Variants in PLAGL1 observed in about 807,000 individuals in gnomAD.
PLAGL1 encodes PLAG1 like zinc finger 1, also known as zinc finger protein PLAGL1.
Under a neutral mutation model 4.6 loss-of-function variants are expected in PLAGL1, and 1 was observed. The observed-to-expected ratio is 0.22, with a 90% CI of 0.08 to 1.03. PLAGL1 has a LOEUF of 1.03. Among genes scored for constraint, PLAGL1 ranks in the 50% least tolerant of loss-of-function variants. PLAGL1 has a pLI of 0.58. For synonymous variants in PLAGL1, 240 were observed against 237.8 expected (o/e 1.01, Z -0.08); for missense variants, 464 against 570.4 (o/e 0.81, Z 1.90).
chr6:143,945,504 T>C lies in PLAGL1; in HGVS notation c.152+2481A>G, dbSNP rs1413587397. ...TCATCATCCTTTTTTTGAGATGCAG[T>C]CCCACCCTGTCACCAGGCTGAAGTG... is the stretch of plus-strand genomic sequence containing the variant. On this transcript the variant is annotated intron_variant, in intron 7 of 7. Transcript: ENST00000674357. This position sits in a 1 kb window ranked among gnomAD's most constrained non-coding sequence, Gnocchi z 4.2. 6.6e-6 allele frequency among the ~76,000 whole-genome samples: 1 copy of C among 152,204 alleles called. No homozygotes were observed. The highest frequency in any genetic ancestry group is 1.5e-5 in the Non-Finnish European group (1 of 68,032).
Position 144,064,040 on chromosome 6 carries a change from CAGCCCCGCCCCCAGCCTCGGAG to C in PLAGL1, c.-151+406_-151+427del, listed in dbSNP as rs1799637955. On this transcript the variant is annotated intron_variant, in intron 1 of 3. Transcript: ENST00000437412. The surrounding 1 kb of genome is among the most constrained non-coding windows in gnomAD (Gnocchi z 6.8). ...ATGATCACCCCGCCGTCTGCGCAGACAGCCCCGCCCCCAGCCTCGGAGAGCACAGGACCCGGGAGGCGGCGAC... is the reference window on the plus strand; with the variant it reads ...ATGATCACCCCGCCGTCTGCGCAGACAGCACAGGACCCGGGAGGCGGCGAC... Among the ~76,000 whole-genome samples the C allele has an allele frequency of 6.6e-6, 1 of 152,228 alleles. No individual in the cohort carries two copies. Among genetic ancestry groups the C allele is most frequent in the Admixed American group, 6.5e-5 (1 of 15,292 alleles).
At chr6:144,047,418 C>T (rs187493661) in intron 1 of PLAGL1, among the ~76,000 whole-genome samples, 8 of 152,280 alleles carry the variant, frequency 5.3e-5, no homozygotes, top group Admixed American at 5.2e-4. Flanking sequence ...AGTGCATTCT[C>T]ACATTGCTAT....
At position 144,016,205 on chromosome 6, in the gene PLAGL1, G is replaced by A. The variant is rs1795553989; in HGVS notation, c.-150-47227C>T. The stretch of plus-strand genomic sequence containing the variant: ...CACAATAGGCTGTCTGCAAGCTGAG[G>A]AGAAAGGAGAGCCAGTCCGAGTCCC... On this transcript the variant is annotated intron_variant, in intron 1 of 3. Transcript: ENST00000437412. This position sits in a 1 kb window ranked among gnomAD's most constrained non-coding sequence, Gnocchi z 4.2. 6.6e-6 allele frequency among the ~76,000 whole-genome samples: 1 copy of A among 152,132 alleles called. No individual in the cohort carries two copies. Among genetic ancestry groups the A allele is most frequent in the Non-Finnish European group, 1.5e-5 (1 of 68,030 alleles).
Position 143,950,484 on chromosome 6 carries a change from C to T in PLAGL1, c.-324-2024G>A, listed in dbSNP as rs541311791. On this transcript the variant is annotated intron_variant, in intron 6 of 7. Coordinates refer to ENST00000674357, the MANE Select transcript of PLAGL1 (RefSeq NM_001317162.2). The surrounding 1 kb of genome is among the most constrained non-coding windows in gnomAD (Gnocchi z 6.3). ...TACTTCTCACCCAGCCTAAGTTTGG[C>T]CATAATACCGGCCCAGCTATAAAAC... Among the ~76,000 whole-genome samples the T allele has an allele frequency of 6.6e-6, 1 of 152,308 alleles. No individual in the cohort carries two copies. Among genetic ancestry groups the T allele is most frequent in the Non-Finnish European group, 1.5e-5 (1 of 68,040 alleles).
intron 1 of PLAGL1, among the ~76,000 whole-genome samples, chr6:144,046,966 A>G (rs1463905753): frequency 6.6e-6 from 1 of 152,250 alleles, no homozygotes; most frequent in Non-Finnish European, 1.5e-5. Flanking sequence ...CTGCGCTAGC[A>G]GTGAACAAGG....
chr6:143,951,485 G>C (rs973373348), intron 6 of PLAGL1, among the ~76,000 whole-genome samples: 1 of 152,238 alleles, frequency 6.6e-6, no homozygotes, highest in Non-Finnish European at 1.5e-5. Context: ...TGTAAACCTT[G>C]ACTCATTGCT....
In PLAGL1 at chr6:143,982,720, T is replaced by C. The variant is rs762548390; in HGVS notation, c.-544+2415A>G. ...GACAGTATCTCCTGACAGCTGAATG[T>C]GTAGAGGGTGAGAGAGACGAAATGA... is the stretch of plus-strand genomic sequence containing the variant. On this transcript the variant is annotated intron_variant, in intron 2 of 7. Transcript: ENST00000674357. This position sits in a 1 kb window ranked among gnomAD's most constrained non-coding sequence, Gnocchi z 5.3. Among the ~76,000 whole-genome samples, 4 of 151,986 alleles carry C rather than the reference T, an allele frequency of 2.6e-5. No individual in the cohort carries two copies. The highest frequency in any genetic ancestry group is 5.9e-5 in the Non-Finnish European group (4 of 67,990).
rs1417380235 is a variant in PLAGL1, at chr6:143,989,567, C to T, written c.-583-4393G>A. On this transcript the variant is annotated intron_variant, in intron 1 of 7. Coordinates refer to ENST00000674357, the MANE Select transcript of PLAGL1 (RefSeq NM_001317162.2). The surrounding 1 kb of genome is among the most constrained non-coding windows in gnomAD (Gnocchi z 4.8). Reference sequence around the variant, plus strand: ...ATTTATACCCCTGGTTCCTCTGCTTCTCAGGCGTTCAGCCTTGGACCAGAA... The same window carrying T: ...ATTTATACCCCTGGTTCCTCTGCTTTTCAGGCGTTCAGCCTTGGACCAGAA... Among the ~76,000 whole-genome samples the T allele has an allele frequency of 6.6e-6, 1 of 152,222 alleles. No homozygotes were observed. The highest frequency in any genetic ancestry group is 1.5e-5 in the Non-Finnish European group (1 of 68,042).
Position 143,994,488 on chromosome 6 carries a change from C to T in PLAGL1, c.-583-9314G>A, listed in dbSNP as rs998355605. On this transcript the variant is annotated intron_variant, in intron 1 of 7. Transcript: ENST00000674357. This position sits in a 1 kb window ranked among gnomAD's most constrained non-coding sequence, Gnocchi z 4.3. ...ACTGATTTTACACTCTGCAGAAGTG[C>T]GGACAGATTTAACAAGGCAGCCCTA... Among the ~76,000 whole-genome samples the T allele has an allele frequency of 3.9e-5, 6 of 152,260 alleles. No homozygotes were observed. The highest frequency in any genetic ancestry group is 7.2e-5 in the African/African-American group (3 of 41,554).
rs1781669094 is a variant in PLAGL1 at position 143,954,330 on chromosome 6, AATAATCATTAATATCCT to A, written c.-324-5887_-324-5871del. 1.3e-5 allele frequency among the ~76,000 whole-genome samples: 2 copies of A among 152,226 alleles called. No homozygotes were observed. Among genetic ancestry groups the A allele is most frequent in the Non-Finnish European group, 2.9e-5 (2 of 68,036 alleles). On this transcript the variant is annotated intron_variant, in intron 6 of 7. Transcript: ENST00000674357. This position sits in a 1 kb window ranked among gnomAD's most constrained non-coding sequence, Gnocchi z 5.1. ...ACGGGGGGAAGGAAACTTCAAAAAT[AATAATCATTAATATCCT>A]AGAGAGAACAGAGGTCCTTAAAAGA...
chr6:144,062,702 TTA>T (rs898701801), intron 1 of PLAGL1, among the ~76,000 whole-genome samples: 1 of 152,150 alleles, frequency 6.6e-6, no homozygotes, highest in Non-Finnish European at 1.5e-5. Flanking sequence ...TGTTTTCACA[TTA>T]GTCTCCCCAA....
In PLAGL1 at chr6:144,055,023, C is replaced by G; in HGVS notation, c.-151+9445G>C. 6.6e-6 allele frequency among the ~76,000 whole-genome samples: 1 copy of G among 152,066 alleles called. No individual in the cohort carries two copies. The highest frequency in any genetic ancestry group is 1.5e-5 in the Non-Finnish European group (1 of 68,018). ...CGAGGAAAATGCATTAACCCAGCAC[C>G]TTTTCAACATGAATTGTCATAATAA... is the stretch of plus-strand genomic sequence containing the variant. On this transcript the variant is annotated intron_variant, in intron 1 of 3. Coordinates refer to the PLAGL1 transcript ENST00000437412. The surrounding 1 kb of genome is among the most constrained non-coding windows in gnomAD (Gnocchi z 5.0).
rs952036860 is a variant in PLAGL1, at chr6:143,960,074, C to G, written c.-325+395G>C. Among the ~76,000 whole-genome samples, 1 of 152,214 alleles carries G rather than the reference C, an allele frequency of 6.6e-6. No individual in the cohort carries two copies. The highest frequency in any genetic ancestry group is 1.5e-5 in the Non-Finnish European group (1 of 68,040). ...CTTATCTTTCAGTCGACATCTGCCA[C>G]AAAGACAGGACAACCTCTTACACAT... is the stretch of plus-strand genomic sequence containing the variant. On this transcript the variant is annotated intron_variant, in intron 6 of 7. Coordinates refer to ENST00000674357, the MANE Select transcript of PLAGL1 (RefSeq NM_001317162.2). The surrounding 1 kb of genome is among the most constrained non-coding windows in gnomAD (Gnocchi z 5.7).
chr6:143,941,776 G>C lies in PLAGL1; in HGVS notation c.1040C>G (p.Pro347Arg). 6.2e-7 allele frequency: 1 copy of C among 1,614,232 alleles called. No individual in the cohort carries two copies. Among genetic ancestry groups the C allele is most frequent in the Non-Finnish European group, 8.5e-7 (1 of 1,180,042 alleles). Residue 347 changes from proline to arginine, a missense_variant, in exon 8 of 8, where the codon CCA (proline) becomes CGA (arginine). Transcript: ENST00000674357. The surrounding 1 kb of genome is among the most constrained non-coding windows in gnomAD (Gnocchi z 6.0). ...ATTTCCCTTAGCCAGATCAAAACCT[G>C]GGTTGAGCTTTTGAGGTGACTGAGG... ...QEPQSPQKLNPGFDLAKGNAG... is the reference protein window; with the variant it reads ...QEPQSPQKLNRGFDLAKGNAG...
chr6:144,052,714 A>G (rs1335027541), intron 1 of PLAGL1, among the ~76,000 whole-genome samples: 3 of 152,086 alleles, frequency 2.0e-5, no homozygotes, highest in Non-Finnish European at 2.9e-5. Context: ...TTCTCTTTCC[A>G]CAACTACTAA....
In PLAGL1 at chr6:143,954,195, A is replaced by G. The variant is rs1291433267; in HGVS notation, c.-324-5735T>C. On this transcript the variant is annotated intron_variant, in intron 6 of 7. Transcript: ENST00000674357. This position sits in a 1 kb window ranked among gnomAD's most constrained non-coding sequence, Gnocchi z 5.1. Reference sequence around the variant, plus strand: ...CACCTAAGTATACAAAGCTCCCATCAGCTCTTTACTGGCTTGACTCACAAA... The same window carrying G: ...CACCTAAGTATACAAAGCTCCCATCGGCTCTTTACTGGCTTGACTCACAAA... Among the ~76,000 whole-genome samples, 1 of 152,210 alleles carries G rather than the reference A, an allele frequency of 6.6e-6. No homozygotes were observed. Among genetic ancestry groups the G allele is most frequent in the Non-Finnish European group, 1.5e-5 (1 of 68,044 alleles).
chr6:144,023,871 G>A (rs1309622054), intron 1 of PLAGL1, among the ~76,000 whole-genome samples: 4 of 139,540 alleles, frequency 2.9e-5, no homozygotes, highest in Non-Finnish European at 3.0e-5. Flanking sequence ...CCGCCTCCCA[G>A]GCTCAAGTGA....
chr6:144,027,995 A>G lies in PLAGL1; in HGVS notation c.-151+36473T>C, dbSNP rs752180669. Among the ~76,000 whole-genome samples the G allele has an allele frequency of 4.6e-5, 7 of 152,234 alleles. No homozygotes were observed. The highest frequency in any genetic ancestry group is 8.8e-5 in the Non-Finnish European group (6 of 68,034). ...GAAATATAAAGAATTCAAAACTCCA[A>G]AAATGCACAGGATTGTCCCTTTGAA... On this transcript the variant is annotated intron_variant, in intron 1 of 3. Transcript: ENST00000437412. The surrounding 1 kb of genome is among the most constrained non-coding windows in gnomAD (Gnocchi z 5.8).
At chr6:143,946,752 G>T (rs968106608) in intron 7 of PLAGL1, among the ~76,000 whole-genome samples, 1 of 152,180 alleles carries the variant, frequency 6.6e-6, no homozygotes, top group Admixed American at 6.5e-5. Flanking sequence ...CTCTCTCCAG[G>T]CGTTTGTATG....
Sources: gnomAD v4.1 joint callset for allele counts (sites outside exome capture counted in the v4.1 genomes callset) on GRCh38, gnomAD v4.1.1 for gene constraint, Gnocchi (gnomAD v3.1) non-coding constraint, MANE v1.5 for transcripts, NCBI Gene and HGNC (gene_info 2026-07-23, HGNC 2026-07-21) for gene names.